Variants in FCRL2 observed in about 807,000 individuals in gnomAD.
FCRL2 encodes the protein Fc receptor like 2.
A neutral mutation model predicts 59.8 loss-of-function variants in FCRL2; 48 were observed. The ratio of observed to expected loss-of-function variants is 0.80; its 90% CI spans 0.64 to 1.02. The LOEUF (loss-of-function observed/expected upper bound fraction) is 1.02, where lower values mean the gene tolerates loss of function less well. Ranked by LOEUF, FCRL2 falls within the 50% of genes least tolerant of loss-of-function variation. FCRL2 has a pLI of 0.00. For missense variants in FCRL2, 658 were observed against 597.3 expected (o/e 1.10, Z -1.06); for synonymous variants, 251 against 229.5 (o/e 1.09, Z -0.85).
chr1:157,774,570 G>A (rs547325171), intron 2 of FCRL2: 100 of 422,182 alleles, frequency 2.4e-4, no homozygotes, highest in African/African-American at 9.2e-4. Context: ...CTGAATGGTC[G>A]TAGGTGATTC....
At position 157,775,768 on chromosome 1, in the gene FCRL2, G is replaced by A. The variant is rs375750151; in HGVS notation, c.52+7C>T. ...GACCAAGAACAACAAAGACAAGGAG[G>A]ACTCACCTGCCTGTTCAGTGACTGC... On this transcript the variant is annotated splice_region_variant and intron_variant, in intron 2 of 11. Transcript: ENST00000361516. 5.0e-6 allele frequency: 8 copies of A among 1,613,970 alleles called. No individual in the cohort carries two copies. The South Asian group carries it at 8.8e-5, about 18-fold the overall frequency.
At chr1:157,768,244 C>CA (rs1649678189) in intron 5 of FCRL2, 170 bp downstream of exon 5, 1 of 609,700 alleles carries the variant, frequency 1.6e-6, no homozygotes, top group Admixed American at 3.1e-5. Flanking sequence ...TTTCCTTCCA[C>CA]AAAAAGAAAC....
At chr1:157,761,733 A>G (rs1197104548) in intron 7 of FCRL2, among the ~76,000 whole-genome samples, 3 of 152,198 alleles carry the variant, frequency 2.0e-5, no homozygotes. Context: ...AAATATTAAT[A>G]GGGCTCAGTA....
intron 7 of FCRL2, among the ~76,000 whole-genome samples, chr1:157,760,708 A>AAAT (rs1365567471): frequency 5.9e-5 from 7 of 118,262 alleles, no homozygotes; most frequent in Non-Finnish European, 1.2e-4. Flanking sequence ...GGAAAGAAAG[A>AAAT]AAGAAAGAAA....
At chr1:157,772,203 C>T (rs1228861472) in intron 2 of FCRL2, among the ~76,000 whole-genome samples, 1 of 151,800 alleles carries the variant, frequency 6.6e-6, no homozygotes, top group African/African-American at 2.4e-5. Context: ...CCTCCACAAA[C>T]AGGAAAGATT....
At chr1:157,764,952 G>C (rs1183990016) in intron 7 of FCRL2, among the ~76,000 whole-genome samples, 1 of 151,838 alleles carries the variant, frequency 6.6e-6, no homozygotes, top group Non-Finnish European at 1.5e-5. Context: ...ATTAGCAAAA[G>C]GAAAGAAATG....
chr1:157,760,658 G>GAAA (rs1557860197), intron 7 of FCRL2, among the ~76,000 whole-genome samples: 23 of 111,582 alleles, frequency 2.1e-4, no homozygotes, highest in African/African-American at 1.0e-3. Context: ...AAAGAAAGAA[G>GAAA]GAAGGAAGGA....
At chr1:157,772,227 C>A (rs11264818) in intron 2 of FCRL2, among the ~76,000 whole-genome samples, 2,556 of 151,888 alleles carry the variant, frequency 0.017, 61 homozygotes, top group African/African-American at 0.057. Flanking sequence ...GTAGAGAACA[C>A]CACTGGGGAT....
At chr1:157,774,963 A>G (rs1488618248) in intron 2 of FCRL2, among the ~76,000 whole-genome samples, 1 of 152,230 alleles carries the variant, frequency 6.6e-6, no homozygotes, top group Non-Finnish European at 1.5e-5. Flanking sequence ...TATATAGAAT[A>G]AAATATTTTT....
chr1:157,772,028 T>TTTTATATA (rs112809140), intron 2 of FCRL2, among the ~76,000 whole-genome samples: 4 of 147,078 alleles, frequency 2.7e-5, no homozygotes, highest in Non-Finnish European at 6.0e-5. Context: ...AACAATCTGA[T>TTTTATATA]TATATATATA....
chr1:157,770,406 T>A lies in FCRL2; in HGVS notation c.310+3A>T, dbSNP rs2101751704. ...GCCCATCCCACAGAAGTCAGGGTTT[T>A]ACCTTGGACTTTTATCTTTACTATA... On this transcript the variant is annotated splice_donor_region_variant and intron_variant, in intron 3 of 11. Transcript: ENST00000361516. 2 of 1,612,082 alleles carry A rather than the reference T, an allele frequency of 1.2e-6. No homozygotes were observed. The highest frequency in any genetic ancestry group is 4.5e-5 in the East Asian group (2 of 44,860).
At chr1:157,769,138 T>C (rs1571289199) in intron 4 of FCRL2, 3 of 157,098 alleles carry the variant, frequency 1.9e-5, no homozygotes, top group Admixed American at 1.9e-4. Flanking sequence ...CTGACCACTC[T>C]GTTCATTCAC....
At chr1:157,749,366 C>T (rs1057232414) in intron 8 of FCRL2, among the ~76,000 whole-genome samples, 1 of 152,012 alleles carries the variant, frequency 6.6e-6, no homozygotes, top group African/African-American at 2.4e-5. Context: ...CAAAAACTTA[C>T]TTATACATTA....
chr1:157,762,318 C>G (rs1438075540), intron 7 of FCRL2, among the ~76,000 whole-genome samples: 1 of 152,238 alleles, frequency 6.6e-6, no homozygotes, highest in Non-Finnish European at 1.5e-5. Flanking sequence ...GGACCTGCCA[C>G]TGCCACTGCC....
chr1:157,749,709 G>C (rs1333417148), intron 7 of FCRL2, 32 bp from the exon 8 acceptor site: 2 of 1,593,034 alleles, frequency 1.3e-6, no homozygotes, highest in Admixed American at 3.4e-5. Context: ...ATTCATTTCA[G>C]AGAAGGAAGC....
At chr1:157,766,783 T>C (rs1649525973) in intron 7 of FCRL2, 72 bp downstream of exon 7, 2 of 1,577,828 alleles carry the variant, frequency 1.3e-6, no homozygotes, top group Non-Finnish European at 1.7e-6. Flanking sequence ...TCTTCTTTTT[T>C]TGTAATTTCA....
intron 2 of FCRL2, among the ~76,000 whole-genome samples, chr1:157,772,427 G>A (rs563448177): frequency 1.3e-5 from 2 of 152,310 alleles, no homozygotes; most frequent in East Asian, 1.9e-4. Context: ...AGGAGTGGAT[G>A]ATCTTGAGTC....
chr1:157,761,791 T>C (rs1378788963), intron 7 of FCRL2, among the ~76,000 whole-genome samples: 1 of 151,994 alleles, frequency 6.6e-6, no homozygotes, highest in Non-Finnish European at 1.5e-5. Flanking sequence ...TTAGAAATAA[T>C]ACATTACAAA....
chr1:157,763,567 G>T lies in FCRL2; in HGVS notation c.1279+3288C>A, dbSNP rs145922984. On this transcript the variant is annotated intron_variant, in intron 7 of 11. Coordinates refer to ENST00000361516, the MANE Select transcript of FCRL2 (RefSeq NM_030764.4). ...AAAGAAAAGATATATTTATAGACTC[G>T]CTGAATGGGTATTAAAAATGTTGCC... 2.8e-3 allele frequency among the ~76,000 whole-genome samples: 419 copies of T among 152,116 alleles called. 3 individuals are homozygous for T. The highest frequency in any genetic ancestry group is 9.4e-3 in the African/African-American group (392 of 41,498).
Sources: gnomAD v4.1 joint callset for allele counts (sites outside exome capture counted in the v4.1 genomes callset) on GRCh38, gnomAD v4.1.1 for gene constraint, MANE v1.5 for transcripts, NCBI Gene and HGNC (gene_info 2026-07-23, HGNC 2026-07-21) for gene names.